Variants in TRAPPC3L observed in about 807,000 individuals in gnomAD.
TRAPPC3L encodes the protein trafficking protein particle complex subunit 3L, also known as trafficking protein particle complex subunit 3-like protein.
TRAPPC3L carries 23 observed loss-of-function variants against 23.7 expected under a neutral mutation model. The observed-to-expected ratio is 0.97, with a 90% CI of 0.70 to 1.37. The LOEUF is 1.37. Among genes scored for constraint, TRAPPC3L ranks in the 40% most tolerant of loss-of-function variants. TRAPPC3L has a pLI of 0.00. For synonymous variants in TRAPPC3L, 81 were observed against 77.9 expected (o/e 1.04, Z -0.21); for missense variants, 212 against 216.8 (o/e 0.98, Z 0.14).
intron 3 of TRAPPC3L, among the ~76,000 whole-genome samples, chr6:116,514,921 A>G (rs75458266): frequency 0.04 from 6,048 of 152,310 alleles, 318 homozygotes; most frequent in African/African-American, 0.13. Context: ...AGAGCCAAAA[A>G]AGTTAGAAGA....
intron 3 of TRAPPC3L, among the ~76,000 whole-genome samples, chr6:116,534,797 T>G (rs1334628979): frequency 1.3e-5 from 2 of 152,194 alleles, no homozygotes; most frequent in African/African-American, 4.8e-5. Flanking sequence ...AAAGAAAAGT[T>G]CTCTTCTTTT....
intron 3 of TRAPPC3L, chr6:116,520,148 T>G (rs1487167168): frequency 6.6e-6 from 1 of 152,192 alleles, no homozygotes; most frequent in Non-Finnish European, 1.5e-5. Context: ...GATGACATTA[T>G]TGATTCAAAT....
chr6:116,507,536 C>G (rs1772027720), intron 3 of TRAPPC3L, among the ~76,000 whole-genome samples: 1 of 123,360 alleles, frequency 8.1e-6, no homozygotes, highest in African/African-American at 2.6e-5. Flanking sequence ...TCCCTTTGTT[C>G]AGTGTATTAC....
intron 3 of TRAPPC3L, among the ~76,000 whole-genome samples, chr6:116,504,293 A>T (rs911201205): frequency 1.8e-4 from 28 of 152,336 alleles, no homozygotes; most frequent in African/African-American, 6.5e-4. Flanking sequence ...GAAATGGATA[A>T]ATTCCTGGAC....
intron 3 of TRAPPC3L, among the ~76,000 whole-genome samples, chr6:116,510,387 T>G (rs991811823): frequency 2.0e-5 from 3 of 152,068 alleles, no homozygotes; most frequent in African/African-American, 7.2e-5. Flanking sequence ...GCTCAAGCGA[T>G]CCTCCCATCT....
intron 4 of TRAPPC3L, among the ~76,000 whole-genome samples, chr6:116,499,580 C>T (rs1429242251): frequency 6.6e-6 from 1 of 152,188 alleles, no homozygotes. Flanking sequence ...GACAATCTGT[C>T]TCCCAATTTA....
intron 1 of TRAPPC3L, among the ~76,000 whole-genome samples, chr6:116,544,856 A>G (rs17078048): frequency 0.15 from 22,806 of 152,034 alleles, 1,880 homozygotes; most frequent in East Asian, 0.35. Flanking sequence ...ACAGAATTTT[A>G]AAGTTAACAG....
Position 116,496,394 on chromosome 6 carries a change from A to G in TRAPPC3L, c.*560T>C, listed in dbSNP as rs1771833623. On this transcript the variant is annotated 3_prime_UTR_variant, in exon 5 of 5. Transcript: ENST00000368602. ...ATGTTTCAAAATTATCATTGAATAAATAGCTTGACTTGGTGATTACAAATC... is the reference window on the plus strand; with the variant it reads ...ATGTTTCAAAATTATCATTGAATAAGTAGCTTGACTTGGTGATTACAAATC... 1 of 152,226 alleles carries G rather than the reference A, an allele frequency of 6.6e-6. No individual in the cohort carries two copies. The highest frequency in any genetic ancestry group is 6.6e-5 in the Admixed American group (1 of 15,262). 9.4% of individuals were successfully genotyped at this position (152,226 alleles called of 1,614,324 possible). A position where few individuals can be genotyped will look rare whatever the true frequency, so the allele number is the denominator to read the frequency against.
At chr6:116,542,701 G>A (rs568595764) in intron 2 of TRAPPC3L, among the ~76,000 whole-genome samples, 1 of 152,194 alleles carries the variant, frequency 6.6e-6, no homozygotes, top group East Asian at 1.9e-4. Context: ...AAGAGAATGG[G>A]TCTCATTTAA....
intron 3 of TRAPPC3L, among the ~76,000 whole-genome samples, chr6:116,503,985 A>C (rs1014767288): frequency 3.9e-5 from 6 of 152,206 alleles, no homozygotes; most frequent in African/African-American, 1.4e-4. Context: ...GAGCAAAGAA[A>C]CTCGAAAGCT....
intron 3 of TRAPPC3L, among the ~76,000 whole-genome samples, chr6:116,506,929 T>C (rs1452711513): frequency 1.3e-5 from 2 of 152,100 alleles, no homozygotes; most frequent in African/African-American, 4.8e-5. Context: ...AGGTGATTGG[T>C]GCACCAAACC....
intron 3 of TRAPPC3L, among the ~76,000 whole-genome samples, chr6:116,506,686 A>G (rs1173611585): frequency 6.6e-6 from 1 of 152,208 alleles, no homozygotes; most frequent in Non-Finnish European, 1.5e-5. Flanking sequence ...ATGCAGCCAT[A>G]AAAAAGGAAG....
intron 3 of TRAPPC3L, chr6:116,517,496 GT>G (rs1772251497): frequency 6.6e-6 from 1 of 152,096 alleles, no homozygotes; most frequent in African/African-American, 2.4e-5. Flanking sequence ...CCTTACAGTG[GT>G]AGTCTATGTC....
At chr6:116,516,209 A>T (rs1772221860) in intron 3 of TRAPPC3L, 1 of 475,606 alleles carries the variant, frequency 2.1e-6, no homozygotes, top group Non-Finnish European at 3.5e-6. Flanking sequence ...GCATTGGTGG[A>T]GAGGGGCTCA....
chr6:116,500,735 T>A, intron 3 of TRAPPC3L, 69 bp from the exon 4 acceptor site: 1 of 1,354,274 alleles, frequency 7.4e-7, no homozygotes, highest in Non-Finnish European at 1.0e-6. Flanking sequence ...ACTAAACAAA[T>A]ACCCAGTTCT....
intron 3 of TRAPPC3L, among the ~76,000 whole-genome samples, chr6:116,538,221 T>C (rs1478704264): frequency 1.3e-5 from 2 of 152,198 alleles, no homozygotes; most frequent in Non-Finnish European, 2.9e-5. Flanking sequence ...GCGCTAATAA[T>C]AGACAGTAAG....
intron 3 of TRAPPC3L, among the ~76,000 whole-genome samples, chr6:116,525,307 C>A (rs887124084): frequency 6.6e-6 from 1 of 152,152 alleles, no homozygotes; most frequent in Non-Finnish European, 1.5e-5. Flanking sequence ...TCTGTCTGGG[C>A]CCCTGGATTC....
At chr6:116,540,809 A>G (rs930515353) in intron 2 of TRAPPC3L, among the ~76,000 whole-genome samples, 2 of 152,178 alleles carry the variant, frequency 1.3e-5, no homozygotes, top group African/African-American at 4.8e-5. Context: ...TTAGCTATTG[A>G]TGGAAATCAA....
chr6:116,542,356 C>T (rs889044786), intron 2 of TRAPPC3L, among the ~76,000 whole-genome samples: 1 of 152,000 alleles, frequency 6.6e-6, no homozygotes, highest in Non-Finnish European at 1.5e-5. Flanking sequence ...AAAAAATATG[C>T]ATACAGAAAG....
Sources: allele counts gnomAD v4.1 joint callset (sites outside exome capture counted in the v4.1 genomes callset), GRCh38; gene constraint gnomAD v4.1.1; transcripts MANE v1.5; gene names NCBI Gene and HGNC (gene_info 2026-07-23, HGNC 2026-07-21).